Variants in TFAP2B observed in about 807,000 individuals in gnomAD.
The protein encoded by TFAP2B is transcription factor AP-2-beta.
A neutral mutation model predicts 44.3 loss-of-function variants in TFAP2B; 9 were observed. That is an observed-to-expected ratio of 0.20 (90% CI 0.12 to 0.35). The LOEUF (loss-of-function observed/expected upper bound fraction) is 0.35. Among genes scored for constraint, TFAP2B ranks in the 10% least tolerant of loss-of-function variants. TFAP2B has a pLI of 1.00. For synonymous variants in TFAP2B, 270 were observed against 263.8 expected (o/e 1.02, Z -0.23); for missense variants, 509 against 600.0 (o/e 0.85, Z 1.59).
Position 50,843,077 on chromosome 6 carries a change from C to T in TFAP2B, c.1083-15C>T, listed in dbSNP as rs200680708. The T allele has an allele frequency of 1.9e-6, 3 of 1,614,192 alleles. No individual in the cohort carries two copies. The highest frequency in any genetic ancestry group is 2.5e-6 in the Non-Finnish European group (3 of 1,180,028). ...ACTGAGGGTGATTTTCTGTGCCTCG[C>T]CCACCCCTTTGCAGGCAACTTTGTA... On this transcript the variant is annotated splice_polypyrimidine_tract_variant and intron_variant, in intron 6 of 6. Transcript: ENST00000393655.
intron 2 of TFAP2B, among the ~76,000 whole-genome samples, chr6:50,826,587 G>T (rs1475949478): frequency 1.2e-5 from 1 of 81,120 alleles, no homozygotes; most frequent in Non-Finnish European, 2.4e-5. Context: ...GCGCGCGCGC[G>T]TGTGTGTGTG....
chr6:50,828,845 T>C (rs1276835491), intron 3 of TFAP2B, 166 bp downstream of exon 3: 12 of 287,708 alleles, frequency 4.2e-5, no homozygotes, highest in South Asian at 1.3e-4. Context: ...GTTGGGAAGA[T>C]GGAAGTTGGG....
chr6:50,821,226 A>G (rs746427190), intron 1 of TFAP2B, among the ~76,000 whole-genome samples: 18 of 152,370 alleles, frequency 1.2e-4, no homozygotes, highest in Non-Finnish European at 2.6e-4. Flanking sequence ...ATCGCAAACT[A>G]TGTGAGCACT....
intron 2 of TFAP2B, among the ~76,000 whole-genome samples, chr6:50,827,546 A>G (rs1460578708): frequency 6.6e-6 from 1 of 152,228 alleles, no homozygotes; most frequent in Non-Finnish European, 1.5e-5. Flanking sequence ...AGGATGCAGC[A>G]TGAGTCGGTG....
intron 3 of TFAP2B, among the ~76,000 whole-genome samples, chr6:50,833,680 C>G (rs1022299926): frequency 1.3e-5 from 2 of 152,118 alleles, no homozygotes; most frequent in Admixed American, 6.6e-5. Context: ...GGAAATAGCT[C>G]TTGTCGGGTG....
Position 50,831,527 on chromosome 6 carries a change from G to A in TFAP2B, c.601+2848G>A, listed in dbSNP as rs1024221241. On this transcript the variant is annotated intron_variant, in intron 3 of 6. Transcript: ENST00000393655. ...TAAACCGGCAGAGGGTGGTTAATAC[G>A]ATTTGAAGGGGGCTGGTCAATGAGC... 5.3e-5 allele frequency among the ~76,000 whole-genome samples: 8 copies of A among 152,092 alleles called. No homozygotes were observed. In the East Asian group the frequency reaches 5.8e-4, roughly 11 times the overall value.
In TFAP2B at chr6:50,836,074, C is replaced by G; in HGVS notation, c.615C>G (p.Pro205=). 1 of 1,614,120 alleles carries G rather than the reference C, an allele frequency of 6.2e-7. No individual in the cohort carries two copies. The highest frequency in any genetic ancestry group is 1.1e-5 in the South Asian group (1 of 91,066). Residue 205 remains proline, a synonymous_variant, in exon 4 of 7, where the codon CCC becomes CCG. Transcript: ENST00000393655. ...QSVIKKVPVP[P]KSVTSLMMNK... is the part of the protein sequence containing the mutation. ...CTCTCTTTCTAGTTCCAGTTCCTCC[C>G]AAATCGGTGACTTCTCTAATGATGA...
chr6:50,833,777 GAC>G (rs36069178), intron 3 of TFAP2B, among the ~76,000 whole-genome samples: 21,285 of 152,074 alleles, frequency 0.14, 1,591 homozygotes, highest in African/African-American at 0.2. Context: ...TAGCTTCTGG[GAC>G]AGGGAGAAGC....
chr6:50,822,748 T>C (rs923832300), intron 1 of TFAP2B, among the ~76,000 whole-genome samples: 2 of 152,204 alleles, frequency 1.3e-5, no homozygotes, highest in Non-Finnish European at 2.9e-5. Flanking sequence ...ATGAGATCCA[T>C]TTCAATGAAA....
rs988911194 is a variant in TFAP2B, at chr6:50,846,068, C to G, written c.*2676C>G. ...CCACCTCTGCCAGTACGGAAACACC[C>G]CACCGTCACAATCCTAAAGCGGGGA... On this transcript the variant is annotated 3_prime_UTR_variant, in exon 7 of 7. Coordinates refer to ENST00000393655, the MANE Select transcript of TFAP2B (RefSeq NM_003221.4). 5 of 152,760 alleles carry G rather than the reference C, an allele frequency of 3.3e-5. No individual in the cohort carries two copies. Among genetic ancestry groups the G allele is most frequent in the Non-Finnish European group, 7.3e-5 (5 of 68,132 alleles). 9.5% of individuals were successfully genotyped at this position (152,760 alleles called of 1,614,324 possible).
chr6:50,827,227 T>A (rs1174883928), intron 2 of TFAP2B, among the ~76,000 whole-genome samples: 2 of 152,210 alleles, frequency 1.3e-5, no homozygotes, highest in Non-Finnish European at 2.9e-5. Context: ...ATACACATGA[T>A]CATAGAAAGG....
chr6:50,825,788 C>A (rs1304549408), intron 2 of TFAP2B, among the ~76,000 whole-genome samples: 3 of 152,164 alleles, frequency 2.0e-5, no homozygotes, highest in African/African-American at 7.2e-5. Context: ...CTCACCCAAC[C>A]CCCACCCTGT....
At chr6:50,823,229 G>T (rs1205422227) in intron 1 of TFAP2B, among the ~76,000 whole-genome samples, 178 bp from the exon 2 acceptor site, 4 of 152,104 alleles carry the variant, frequency 2.6e-5, no homozygotes, top group Admixed American at 1.3e-4. Flanking sequence ...CAACTTGGGG[G>T]TCTAAGTTTC....
At chr6:50,818,552 T>TAAATTCTATA (rs1770236944), upstream of TFAP2B, among the ~76,000 whole-genome samples, 1 of 152,226 alleles carries the variant, frequency 6.6e-6, no homozygotes, top group Non-Finnish European at 1.5e-5. Context: ...ATATATTATA[T>TAAATTCTATA]TAATCACCCT....
At chr6:50,822,731 A>G (rs1465919258) in intron 1 of TFAP2B, among the ~76,000 whole-genome samples, 1 of 152,204 alleles carries the variant, frequency 6.6e-6, no homozygotes. Context: ...TTAGGATATG[A>G]TTTCGAATGA....
intron 3 of TFAP2B, chr6:50,830,445 G>A (rs1162976430): frequency 3.0e-6 from 1 of 332,416 alleles, no homozygotes; most frequent in Non-Finnish European, 4.3e-6. Flanking sequence ...CCAGGAATAA[G>A]AAAAAGAGAA....
rs528029574 is a variant in TFAP2B at position 50,829,194 on chromosome 6, C to T, written c.601+515C>T. Among the ~76,000 whole-genome samples, 143 of 152,056 alleles carry T rather than the reference C, an allele frequency of 9.4e-4. 1 individual carries two copies. Among genetic ancestry groups the T allele is most frequent in the African/African-American group, 3.1e-3 (129 of 41,456 alleles). On this transcript the variant is annotated intron_variant, in intron 3 of 6. Transcript: ENST00000393655. Reference sequence around the variant, plus strand: ...TGTGCCAAATTTGTTGCTAAATATGCGCATCCTGAGAAGCTGAGACAGCCT... The same window carrying T: ...TGTGCCAAATTTGTTGCTAAATATGTGCATCCTGAGAAGCTGAGACAGCCT...
chr6:50,819,090 C>T, intron 1 of TFAP2B, 118 bp downstream of exon 1: 1 of 1,057,056 alleles, frequency 9.5e-7, no homozygotes, highest in Admixed American at 2.0e-5. Flanking sequence ...GGTCGGTTTT[C>T]TCAGCTTTTT....
At chr6:50,827,719 A>T (rs1770566363) in intron 2 of TFAP2B, among the ~76,000 whole-genome samples, 1 of 152,204 alleles carries the variant, frequency 6.6e-6, no homozygotes, top group Non-Finnish European at 1.5e-5. Context: ...AGAGAAAGGG[A>T]ATCTACTGCT....
Sources: allele counts gnomAD v4.1 joint callset (sites outside exome capture counted in the v4.1 genomes callset), GRCh38; gene constraint gnomAD v4.1.1; transcripts MANE v1.5; gene names NCBI Gene and HGNC (gene_info 2026-07-23, HGNC 2026-07-21).